The following MAP2 variants were observed in gnomAD, a reference collection of about 807,000 sequenced individuals.
MAP2 encodes microtubule-associated protein 2.
In MAP2, 14 loss-of-function variants were observed where a neutral mutation model predicts 137.6. The ratio of observed to expected loss-of-function variants is 0.10; its 90% confidence interval spans 0.07 to 0.16. The LOEUF is 0.16. Ranked by LOEUF, MAP2 falls within the 10% of genes least tolerant of loss-of-function variation. The pLI is 1.00. For synonymous variants in MAP2, 786 were observed against 782.3 expected (o/e 1.00, Z -0.08); for missense variants, 2,088 against 2,191.5 (o/e 0.95, Z 0.94).
intron 1 of MAP2, among the ~76,000 whole-genome samples, chr2:209,488,005 G>A (rs940203625): frequency 6.6e-6 from 1 of 152,206 alleles, no homozygotes; most frequent in African/African-American, 2.4e-5. Flanking sequence ...GGGCAAGACG[G>A]CCAAACAGGA....
In MAP2 at chr2:209,654,091, C is replaced by T. The variant is rs58842082; in HGVS notation, c.262+659C>T. On this transcript the variant is annotated intron_variant, in intron 5 of 15. Coordinates refer to ENST00000682079, the MANE Select transcript of MAP2 (RefSeq NM_001375505.1). ...ATTATTTCTGCTTTGGGCCAAAGTC[C>T]CCAAATTGTGCACAAAATCATCTTA... Among the ~76,000 whole-genome samples, 823 of 152,174 alleles carry T rather than the reference C, an allele frequency of 5.4e-3. 5 individuals are homozygous for T. Among genetic ancestry groups the T allele is most frequent in the African/African-American group, 0.019 (802 of 41,496 alleles).
In MAP2 at chr2:209,694,319, A is replaced by T; in HGVS notation, c.2149A>T (p.Asn717Tyr). 1 of 1,614,130 alleles carries T rather than the reference A, an allele frequency of 6.2e-7. No individual in the cohort carries two copies. Among genetic ancestry groups the T allele is most frequent in the Non-Finnish European group, 8.5e-7 (1 of 1,180,014 alleles). The part of the protein sequence containing the change: ...SCLDSIALGF[N>Y]FGRGHDLSPL... ...CCTAGATTCCATAGCCCTTGGATTT[A>T]ACTTTGGTCGGGGACATGATCTTTC... The change falls in exon 8 of 16, where the codon AAC becomes TAC. Residue 717 changes from asparagine to tyrosine, a missense_variant. Asn to Tyr is a moderately radical substitution (Grantham distance 143, BLOSUM62 -2). Transcript: ENST00000682079.
In MAP2 at chr2:209,695,393, A is replaced by G. The variant is rs749246513; in HGVS notation, c.3223A>G (p.Thr1075Ala). ...GGCAACAGAGCTAAAACTTGAGGCT[A>G]CACAGGACATGACCCCCTCATCCAA... ...RRATELKLEATQDMTPSSKAP... is the reference protein window; with the variant it reads ...RRATELKLEAAQDMTPSSKAP... The change falls in exon 8 of 16, where the codon ACA (threonine) becomes GCA (alanine). Residue 1075 changes from threonine (T) to alanine (A), a missense_variant. Coordinates refer to ENST00000682079, the MANE Select transcript of MAP2 (RefSeq NM_001375505.1). The G allele has an allele frequency of 9.3e-6, 15 of 1,613,318 alleles. No individual in the cohort carries two copies. Among genetic ancestry groups the G allele is most frequent in the Admixed American group, 1.7e-5 (1 of 59,972 alleles).
intron 1 of MAP2, among the ~76,000 whole-genome samples, chr2:209,480,147 G>A (rs7601095): frequency 0.53 from 81,220 of 151,944 alleles, 22,553 homozygotes; most frequent in Middle Eastern, 0.63. Flanking sequence ...GAAATCAGTA[G>A]ACTGTCACTG....
chr2:209,724,267 G>A (rs1489974916), intron 13 of MAP2, among the ~76,000 whole-genome samples: 1 of 151,940 alleles, frequency 6.6e-6, no homozygotes, highest in Non-Finnish European at 1.5e-5. Context: ...TTTTTTTCCT[G>A]TCTCTTTCAT....
chr2:209,430,073 T>G (rs1414252104), intron 1 of MAP2, among the ~76,000 whole-genome samples: 3 of 151,566 alleles, frequency 2.0e-5, no homozygotes, highest in Non-Finnish European at 4.4e-5. Context: ...TTATTGTTGT[T>G]TATATGATTC....
chr2:209,589,872 G>C (rs986108718), intron 3 of MAP2, among the ~76,000 whole-genome samples: 1 of 152,176 alleles, frequency 6.6e-6, no homozygotes, highest in African/African-American at 2.4e-5. Flanking sequence ...CATAGGCATT[G>C]TGATTTGCCT....
At chr2:209,562,690 CTG>C (rs1233187430) in intron 2 of MAP2, among the ~76,000 whole-genome samples, 1 of 151,660 alleles carries the variant, frequency 6.6e-6, no homozygotes, top group Non-Finnish European at 1.5e-5. Context: ...GGGTGAGACT[CTG>C]TCAAAAAAAA....
At chr2:209,494,403 C>T (rs1460440570) in intron 1 of MAP2, among the ~76,000 whole-genome samples, 2 of 151,326 alleles carry the variant, frequency 1.3e-5, no homozygotes, top group Admixed American at 1.3e-4. Context: ...GCATGTTCTG[C>T]CCAGGTATCC....
chr2:209,541,445 T>G (rs1019001418), intron 2 of MAP2, among the ~76,000 whole-genome samples: 1 of 151,268 alleles, frequency 6.6e-6, no homozygotes, highest in Non-Finnish European at 1.5e-5. Flanking sequence ...AGGTTGACTG[T>G]GGCAGTTTCT....
chr2:209,461,398 A>C (rs1702771658), intron 1 of MAP2, among the ~76,000 whole-genome samples: 1 of 152,226 alleles, frequency 6.6e-6, no homozygotes, highest in Non-Finnish European at 1.5e-5. Context: ...TCATTGCAGA[A>C]AGTTTGACTG....
chr2:209,632,688 A>C (rs1483688904), intron 4 of MAP2, among the ~76,000 whole-genome samples: 1 of 152,236 alleles, frequency 6.6e-6, no homozygotes, highest in East Asian at 1.9e-4. Context: ...CCAAAGTTTT[A>C]ATGTATCTCC....
At position 209,631,791 on chromosome 2, in the gene MAP2, C is replaced by T. The variant is rs369729625; in HGVS notation, c.-30+6662C>T. On this transcript the variant is annotated intron_variant, in intron 4 of 15. Transcript: ENST00000682079. The stretch of plus-strand genomic sequence containing the variant: ...TATTTTAATCCTACCTTGTTCAAGT[C>T]TCTGTTCTATAAAGCATGAGAAATC... 3.5e-4 allele frequency among the ~76,000 whole-genome samples: 53 copies of T among 152,236 alleles called. 1 individual carries two copies. In the South Asian group the frequency reaches 0.011, roughly 31 times the overall value.
chr2:209,696,730 G>A lies in MAP2; in HGVS notation c.4369G>A (p.Glu1457Lys). 6.2e-7 allele frequency: 1 copy of A among 1,605,396 alleles called. No homozygotes were observed. The change falls in exon 9 of 16, where the codon GAA (glutamate) becomes AAA (lysine). Residue 1457 changes from glutamate to lysine, a missense_variant. Transcript: ENST00000682079. ...GGAACCTAGCACAGTCTCCAGAGAT[G>A]AAGTGAGAAGGAAAAAAGGTTCATT... The part of the protein sequence containing the change: ...KKEPSTVSRD[E>K]VRRKKAVYKK...
intron 1 of MAP2, among the ~76,000 whole-genome samples, chr2:209,462,230 A>C (rs1384103355): frequency 6.6e-6 from 1 of 152,210 alleles, no homozygotes; most frequent in Non-Finnish European, 1.5e-5. Flanking sequence ...AGAAAAGAGA[A>C]ATAAAATAGA....
chr2:209,694,038 G>A lies in MAP2; in HGVS notation c.1868G>A (p.Gly623Glu). 6.2e-7 allele frequency: 1 copy of A among 1,613,678 alleles called. No individual in the cohort carries two copies. The highest frequency in any genetic ancestry group is 1.1e-5 in the South Asian group (1 of 90,982). Reference sequence around the variant, plus strand: ...AATGGTGACAAGGAGTTTCAAACAGGAAAAGAATCCCAGCCCAGTCCTCCA... The same window carrying A: ...AATGGTGACAAGGAGTTTCAAACAGAAAAAGAATCCCAGCCCAGTCCTCCA... The part of the protein sequence containing the change: ...HKNGDKEFQT[G>E]KESQPSPPAQ... Residue 623 changes from glycine (G) to glutamate (E), a missense_variant, in exon 8 of 16, where the codon GGA (glycine) becomes GAA (glutamate). Coordinates refer to ENST00000682079, the MANE Select transcript of MAP2 (RefSeq NM_001375505.1).
chr2:209,596,099 T>C (rs535776632), intron 3 of MAP2, among the ~76,000 whole-genome samples: 10 of 152,058 alleles, frequency 6.6e-5, no homozygotes, highest in Non-Finnish European at 1.2e-4. Flanking sequence ...GAACTTAAAG[T>C]ATAATTTTAA....
intron 4 of MAP2, among the ~76,000 whole-genome samples, chr2:209,645,613 G>C (rs1284306954): frequency 6.6e-6 from 1 of 152,116 alleles, no homozygotes; most frequent in African/African-American, 2.4e-5. Context: ...CGCTTTACAT[G>C]AAAATAAGCT....
chr2:209,625,626 A>G (rs114186381), intron 4 of MAP2, among the ~76,000 whole-genome samples: 1,567 of 152,304 alleles, frequency 0.01, 11 homozygotes, highest in Non-Finnish European at 0.015. Context: ...GGAAGCAGGC[A>G]CTGGACAGAA....
Sources: allele counts gnomAD v4.1 joint callset (sites outside exome capture counted in the v4.1 genomes callset), GRCh38; gene constraint gnomAD v4.1.1; transcripts MANE v1.5; gene names NCBI Gene and HGNC (gene_info 2026-07-23, HGNC 2026-07-21).